PUDP: variants seen among roughly 807,000 people sequenced by gnomAD.
PUDP encodes the protein pseudouridine-5'-phosphatase.
PUDP carries 8 observed loss-of-function variants against 9.4 expected under a neutral mutation model. The ratio of observed to expected loss-of-function variants is 0.85; its 90% CI spans 0.50 to 1.53. The LOEUF (loss-of-function observed/expected upper bound fraction) is 1.53, where lower values mean the gene tolerates loss of function less well. PUDP is among the 40% of genes most tolerant of loss of function. PUDP has a pLI of 0.00. For synonymous variants in PUDP, 99 were observed against 80.7 expected (o/e 1.23, Z -1.22); for missense variants, 188 against 189.7 (o/e 0.99, Z 0.05).
chrX:6,750,524 G>A (rs1015889080), intron 3 of PUDP, among the ~76,000 whole-genome samples: 8 of 111,005 alleles, frequency 7.2e-5, no homozygotes, highest in East Asian at 2.8e-4. Context: ...TCAGGTGCTC[G>A]GTGTATGTTG....
intron 3 of PUDP, among the ~76,000 whole-genome samples, chrX:6,954,150 A>G (rs1928593353): frequency 9.0e-6 from 1 of 110,839 alleles, no homozygotes; most frequent in South Asian, 3.9e-4. Flanking sequence ...CCTTTTTCCT[A>G]TATAAATTAC....
chrX:7,065,426 C>T (rs767084861), intron 3 of PUDP, among the ~76,000 whole-genome samples: 9 of 112,221 alleles, frequency 8.0e-5, no homozygotes, highest in Non-Finnish European at 1.5e-4. Context: ...GTAGGATTCA[C>T]CTTAGTGTTG....
chrX:7,074,245 T>C (rs766266800), intron 3 of PUDP, among the ~76,000 whole-genome samples: 3 of 112,457 alleles, frequency 2.7e-5, no homozygotes, highest in South Asian at 3.7e-4. Context: ...TGTGTGCCTA[T>C]GGTCCCAGCT....
At chrX:6,913,651 A>G (rs911521759) in intron 3 of PUDP, among the ~76,000 whole-genome samples, 2 of 111,938 alleles carry the variant, frequency 1.8e-5, no homozygotes, top group Admixed American at 9.5e-5. Context: ...TAAAAAATAC[A>G]TAAAATACCT....
chrX:7,126,022 T>A (rs1223474830), intron 1 of PUDP, among the ~76,000 whole-genome samples: 1 of 111,093 alleles, frequency 9.0e-6, no homozygotes, highest in African/African-American at 3.3e-5. Context: ...ACCAGGGATA[T>A]ATGCATATAT....
At position 6,859,532 on chromosome X, in the gene PUDP, A is replaced by C. The variant is rs185811077; in HGVS notation, c.*247+117601T>G. ...TATGGGAAGGGCTTGTACTGTGCTA[A>C]GATTTAGGCATAGATTTTATAATTC... On this transcript the variant is annotated intron_variant and NMD_transcript_variant, in intron 3 of 3. Transcript: ENST00000655425. Among the ~76,000 whole-genome samples, 8 of 111,658 alleles carry C rather than the reference A, an allele frequency of 7.2e-5. No individual in the cohort carries two copies. The East Asian group carries it at 2.3e-3, about 32-fold the overall frequency.
chrX:6,990,124 C>T (rs1026689701), intron 1 of PUDP, among the ~76,000 whole-genome samples: 5 of 109,766 alleles, frequency 4.6e-5, no homozygotes, highest in South Asian at 3.9e-4. Flanking sequence ...TGTGCAGGCG[C>T]GCATGCACAC....
chrX:6,796,244 A>G (rs1339679692), intron 3 of PUDP, among the ~76,000 whole-genome samples: 2 of 112,092 alleles, frequency 1.8e-5, no homozygotes, highest in African/African-American at 3.2e-5. Flanking sequence ...CAAATGTGAC[A>G]CCTTGCATAT....
At chrX:7,081,813 T>C (rs1931099572) in intron 2 of PUDP, among the ~76,000 whole-genome samples, 2 of 113,035 alleles carry the variant, frequency 1.8e-5, no homozygotes, top group Admixed American at 9.3e-5. Context: ...GAACAATGCC[T>C]GGAAAATGAC....
intron 3 of PUDP, among the ~76,000 whole-genome samples, chrX:6,947,983 A>G (rs972875007): frequency 9.0e-6 from 1 of 111,554 alleles, no homozygotes; most frequent in Non-Finnish European, 1.9e-5. Context: ...TTGGGCTTTC[A>G]AATGATACTA....
At chrX:6,719,339 A>G (rs1176922105) in intron 1 of PUDP, among the ~76,000 whole-genome samples, 1 of 111,150 alleles carries the variant, frequency 9.0e-6, no homozygotes, top group Non-Finnish European at 1.9e-5. Flanking sequence ...GAACCTAATT[A>G]CCTCTTTAAG....
At chrX:6,775,466 T>C (rs754298685) in intron 3 of PUDP, among the ~76,000 whole-genome samples, 1 of 101,914 alleles carries the variant, frequency 9.8e-6, no homozygotes, top group Non-Finnish European at 2.0e-5. Flanking sequence ...GATAGATAGA[T>C]ATAGATAGAT....
At chrX:6,925,005 A>G (rs73627102) in intron 3 of PUDP, among the ~76,000 whole-genome samples, 3,566 of 111,947 alleles carry the variant, frequency 0.032, 141 homozygotes, top group African/African-American at 0.11. Flanking sequence ...TAAGGTGCAC[A>G]TCTTGCCTTA....
At chrX:6,796,991 G>A (rs1476703606) in intron 3 of PUDP, among the ~76,000 whole-genome samples, 1 of 111,472 alleles carries the variant, frequency 9.0e-6, no homozygotes, top group African/African-American at 3.3e-5. Flanking sequence ...GAAGTCTACT[G>A]GTTTAGAGAA....
At chrX:6,932,859 G>A (rs1387370823) in intron 3 of PUDP, among the ~76,000 whole-genome samples, 1 of 110,841 alleles carries the variant, frequency 9.0e-6, no homozygotes, top group African/African-American at 3.3e-5. Flanking sequence ...ACGGAGTCTC[G>A]CTGATTGCTG....
intron 1 of PUDP, among the ~76,000 whole-genome samples, chrX:6,991,642 A>T (rs1417935431): frequency 9.3e-6 from 1 of 107,612 alleles, no homozygotes; most frequent in East Asian, 2.9e-4. Context: ...TGCACCACTG[A>T]ACTCCAGCTG....
At chrX:6,933,874 G>A (rs1928249186) in intron 3 of PUDP, among the ~76,000 whole-genome samples, 1 of 111,150 alleles carries the variant, frequency 9.0e-6, no homozygotes, top group Non-Finnish European at 1.9e-5. Context: ...CTGCAAGAAA[G>A]GGTATCAGTG....
chrX:6,981,608 TA>T (rs1929033856), intron 1 of PUDP, among the ~76,000 whole-genome samples: 1 of 111,664 alleles, frequency 9.0e-6, no homozygotes, highest in Non-Finnish European at 1.9e-5. Flanking sequence ...AACCCCGATT[TA>T]AAAGTTATTT....
intron 3 of PUDP, among the ~76,000 whole-genome samples, chrX:6,970,257 A>G (rs1928852249): frequency 8.9e-6 from 1 of 112,591 alleles, no homozygotes; most frequent in South Asian, 3.7e-4. Context: ...TCGCTTTGTA[A>G]AATTTTTTGG....
Sources: gnomAD v4.1 joint callset for allele counts (sites outside exome capture counted in the v4.1 genomes callset) on GRCh38, gnomAD v4.1.1 for gene constraint, MANE v1.5 for transcripts, NCBI Gene and HGNC (gene_info 2026-07-23, HGNC 2026-07-21) for gene names.